The following YTHDC2 variants were observed in gnomAD, a reference collection of about 807,000 sequenced individuals.
YTHDC2 encodes 3'-5' RNA helicase YTHDC2.
YTHDC2 carries 45 observed loss-of-function variants against 174.9 expected under a neutral mutation model. The observed-to-expected ratio is 0.26, with a 90% confidence interval of 0.20 to 0.33. The LOEUF is 0.33. Among genes scored for constraint, YTHDC2 ranks in the 10% least tolerant of loss-of-function variants. YTHDC2 has a pLI of 1.00. For missense variants in YTHDC2, 1,650 were observed against 1,723.7 expected (o/e 0.96, Z 0.76); for synonymous variants, 657 against 574.5 (o/e 1.14, Z -2.05).
chr5:113,546,404 C>G lies in YTHDC2; in HGVS notation c.1496-2137C>G, dbSNP rs1775890295. Among the ~76,000 whole-genome samples, 8 of 152,162 alleles carry G rather than the reference C, an allele frequency of 5.3e-5. No individual in the cohort carries two copies. In the South Asian group the frequency reaches 1.7e-3, roughly 31 times the overall value. The stretch of plus-strand genomic sequence containing the variant: ...AATGTTTTAAGCCATGTGAGGAAAA[C>G]TAAAATGTTACAGTAGCTCAATCAT... On this transcript the variant is annotated intron_variant, in intron 10 of 29. Coordinates refer to ENST00000161863, the MANE Select transcript of YTHDC2 (RefSeq NM_022828.5).
intron 17 of YTHDC2, chr5:113,556,461 A>C (rs1319183573): frequency 5.7e-6 from 1 of 175,386 alleles, no homozygotes; most frequent in Non-Finnish European, 1.2e-5. Context: ...AATCAACTAA[A>C]GGCCAATAAT....
intron 16 of YTHDC2, among the ~76,000 whole-genome samples, chr5:113,555,298 A>G (rs949968919): frequency 6.6e-6 from 1 of 151,602 alleles, no homozygotes; most frequent in African/African-American, 2.4e-5. Context: ...TAAAAACCAA[A>G]TAAGCTGTTT....
intron 8 of YTHDC2, among the ~76,000 whole-genome samples, chr5:113,540,121 C>G (rs1775349687): frequency 6.6e-6 from 1 of 152,144 alleles, no homozygotes; most frequent in African/African-American, 2.4e-5. Flanking sequence ...CTCCTGGCCT[C>G]AAGCAATCCT....
At chr5:113,592,267 TAC>T in intron 28 of YTHDC2, 89 bp downstream of exon 28, 1 of 1,299,734 alleles carries the variant, frequency 7.7e-7, no homozygotes, top group Non-Finnish European at 1.0e-6. Flanking sequence ...AATGTAAGAG[TAC>T]AAATTTTATA....
chr5:113,561,397 AT>A, intron 18 of YTHDC2, among the ~76,000 whole-genome samples: 2 of 151,108 alleles, frequency 1.3e-5, no homozygotes, highest in Non-Finnish European at 2.9e-5. Context: ...AATCACTTGA[AT>A]ATTTAAATTA....
At chr5:113,529,593 CAT>C (rs1021401827) in intron 4 of YTHDC2, among the ~76,000 whole-genome samples, 2 of 152,058 alleles carry the variant, frequency 1.3e-5, no homozygotes, top group Non-Finnish European at 2.9e-5. Context: ...CTTGATAAAT[CAT>C]ATTTTAACTT....
intron 18 of YTHDC2, among the ~76,000 whole-genome samples, chr5:113,561,957 G>GGTGGGTGGGGGTGTGT (rs1347716150): frequency 1.5e-5 from 2 of 134,872 alleles, no homozygotes; most frequent in African/African-American, 5.7e-5. Context: ...ATTAATTGTG[G>GGTGGGTGGGGGTGTGT]GTGTGTGTGT....
At chr5:113,559,757 T>C (rs796685298) in intron 17 of YTHDC2, among the ~76,000 whole-genome samples, 23 of 152,278 alleles carry the variant, frequency 1.5e-4, no homozygotes, top group African/African-American at 4.1e-4. Flanking sequence ...TTTTAAACAA[T>C]TGGAATCAAG....
chr5:113,514,168 G>A (rs1380970813), intron 1 of YTHDC2, 86 bp downstream of exon 1: 12 of 1,497,836 alleles, frequency 8.0e-6, no homozygotes, highest in African/African-American at 4.2e-5. Context: ...CCGAGTGATG[G>A]GGGTGCCTCC....
chr5:113,522,341 ATTAAT>A (rs1353450770), intron 2 of YTHDC2, among the ~76,000 whole-genome samples: 12 of 152,098 alleles, frequency 7.9e-5, no homozygotes, highest in South Asian at 2.1e-4. Flanking sequence ...TAGTAAATTG[ATTAAT>A]GTTAACATTG....
chr5:113,513,694 G>A lies in YTHDC2; in HGVS notation c.-202G>A, dbSNP rs1221774901. Reference sequence around the variant, plus strand: ...GCCCTGGTGACGTCATTACGCCCGCGCTCCTCGCCTGGCCGTGATATCAAT... The same window carrying A: ...GCCCTGGTGACGTCATTACGCCCGCACTCCTCGCCTGGCCGTGATATCAAT... On this transcript the variant is annotated 5_prime_UTR_variant, in exon 1 of 30. Coordinates refer to ENST00000161863, the MANE Select transcript of YTHDC2 (RefSeq NM_022828.5). 3.3e-6 allele frequency: 2 copies of A among 606,612 alleles called. No individual in the cohort carries two copies. Among genetic ancestry groups the A allele is most frequent in the African/African-American group, 2.0e-5 (1 of 50,552 alleles). The allele number at this position is 606,612 out of a possible 1,614,324, so 37.6% of individuals were successfully genotyped here. A position where few individuals can be genotyped will look rare whatever the true frequency, so the allele number is the denominator to read the frequency against.
Position 113,593,501 on chromosome 5 carries a change from A to G in YTHDC2, c.*27A>G, listed in dbSNP as rs1445368040. On this transcript the variant is annotated 3_prime_UTR_variant, in exon 30 of 30. Transcript: ENST00000161863. ...TTCTAGAACTCTTAGCTGTGGAAGA[A>G]CATCATGCCTATTTATAACCACTGA... 4.9e-6 allele frequency: 4 copies of G among 822,476 alleles called. No individual in the cohort carries two copies. The Admixed American group carries it at 7.8e-5, about 16-fold the overall frequency. The allele number at this position is 822,476 out of a possible 1,614,324, so 50.9% of individuals were successfully genotyped here. A position where few individuals can be genotyped will look rare whatever the true frequency, so the allele number is the denominator to read the frequency against.
Position 113,589,414 on chromosome 5 carries a change from T to A in YTHDC2, c.3826-1627T>A, listed in dbSNP as rs923858314. On this transcript the variant is annotated intron_variant, in intron 26 of 29. Coordinates refer to ENST00000161863, the MANE Select transcript of YTHDC2 (RefSeq NM_022828.5). Reference sequence around the variant, plus strand: ...AAAAATTAAAAAAAAAAAAAATATATATATATATATATATATATGTATATA... The same window carrying A: ...AAAAATTAAAAAAAAAAAAAATATAAATATATATATATATATATGTATATA... Among the ~76,000 whole-genome samples the A allele has an allele frequency of 7.1e-3, 987 of 138,116 alleles. 19 individuals are homozygous for A. The highest frequency in any genetic ancestry group is 0.026 in the African/African-American group (899 of 34,980). The allele number at this position is 138,116 out of a possible 152,430, so 90.6% of individuals were successfully genotyped here. A position where few individuals can be genotyped will look rare whatever the true frequency, so the allele number is the denominator to read the frequency against.
intron 7 of YTHDC2, among the ~76,000 whole-genome samples, chr5:113,538,242 G>A (rs181085470): frequency 1.8e-4 from 28 of 152,216 alleles, no homozygotes; most frequent in Admixed American, 5.2e-4. Context: ...TTGGCTTGAC[G>A]TAGCATTCTG....
Position 113,553,942 on chromosome 5 carries a change from A to ATATTG in YTHDC2, c.2054_2055insATTGT (p.Ser687PhefsTer25). ...ACTTTAAAGTAATATCTTGTTGCAG[A>ATATTG]TTCTTTCCACCAATATTGCTGAAAC... On this transcript the variant is annotated frameshift_variant and splice_region_variant, in exon 16 of 30. Transcript: ENST00000161863. LOFTEE classifies it high-confidence loss of function. The ATATTG allele has an allele frequency of 6.3e-7, 1 of 1,582,294 alleles. No homozygotes were observed. The highest frequency in any genetic ancestry group is 8.6e-7 in the Non-Finnish European group (1 of 1,169,056).
chr5:113,533,781 C>T (rs1397496656), intron 5 of YTHDC2, among the ~76,000 whole-genome samples: 1 of 152,080 alleles, frequency 6.6e-6, no homozygotes, highest in East Asian at 1.9e-4. Context: ...AAATCTAAAA[C>T]TTTTTGAGTG....
chr5:113,561,957 G>GGGGTGTGTGTGTGTGTGT (rs1554099023), intron 18 of YTHDC2, among the ~76,000 whole-genome samples: 1 of 134,872 alleles, frequency 7.4e-6, no homozygotes, highest in Non-Finnish European at 1.6e-5. Flanking sequence ...ATTAATTGTG[G>GGGGTGTGTGTGTGTGTGT]GTGTGTGTGT....
At chr5:113,556,584 G>A (rs1313136255) in intron 17 of YTHDC2, among the ~76,000 whole-genome samples, 1 of 152,080 alleles carries the variant, frequency 6.6e-6, no homozygotes, top group Non-Finnish European at 1.5e-5. Flanking sequence ...CTAAATAAAT[G>A]CAAATTAATG....
intron 5 of YTHDC2, among the ~76,000 whole-genome samples, chr5:113,533,265 G>T (rs1223519758): frequency 3.9e-5 from 6 of 152,114 alleles, no homozygotes; most frequent in African/African-American, 1.4e-4. Context: ...ATTTCAGGCG[G>T]GACGCGGTGG....
Sources: gnomAD v4.1 joint callset for allele counts (sites outside exome capture counted in the v4.1 genomes callset) on GRCh38, gnomAD v4.1.1 for gene constraint, MANE v1.5 for transcripts, NCBI Gene and HGNC (gene_info 2026-07-23, HGNC 2026-07-21) for gene names.